Variants in OPCML observed in about 807,000 individuals in gnomAD.
OPCML encodes opioid binding protein/cell adhesion molecule like, also known as opioid-binding protein/cell adhesion molecule.
OPCML carries 13 observed loss-of-function variants against 37.8 expected under a neutral mutation model. The ratio of observed to expected loss-of-function variants is 0.34; its 90% CI spans 0.22 to 0.55. The LOEUF is 0.55. Among genes scored for constraint, OPCML ranks in the 20% least tolerant of loss-of-function variants. The pLI is 0.91. For missense variants in OPCML, 341 were observed against 435.6 expected, an observed-to-expected ratio of 0.78 and a Z score of 1.93; for synonymous variants, 176 against 168.8, an observed-to-expected ratio of 1.04 and a Z score of -0.33.
At chr11:133,392,943 C>A (rs4604897) in intron 1 of OPCML, among the ~76,000 whole-genome samples, 54,968 of 151,960 alleles carry the variant, frequency 0.36, 12,292 homozygotes, top group African/African-American at 0.63. Flanking sequence ...TGAGTCATCC[C>A]AATCTCATTG....
chr11:132,869,723 T>G (rs1020002919), intron 2 of OPCML, among the ~76,000 whole-genome samples: 3 of 152,180 alleles, frequency 2.0e-5, no homozygotes, highest in African/African-American at 7.2e-5. Context: ...CAAAACTGTT[T>G]TAGCTAATTG....
intron 2 of OPCML, among the ~76,000 whole-genome samples, chr11:132,856,192 T>A (rs1942047346): frequency 6.6e-6 from 1 of 152,204 alleles, no homozygotes; most frequent in African/African-American, 2.4e-5. Flanking sequence ...TAGTTCTCAG[T>A]TTCAGCAAGT....
chr11:133,145,004 A>G (rs1280162302), intron 1 of OPCML, among the ~76,000 whole-genome samples: 2 of 152,218 alleles, frequency 1.3e-5, no homozygotes. Flanking sequence ...GCTCTTAGCA[A>G]CAACAGTGGC....
At chr11:133,474,170 A>G (rs1947182402) in intron 1 of OPCML, among the ~76,000 whole-genome samples, 1 of 152,204 alleles carries the variant, frequency 6.6e-6, no homozygotes, top group Non-Finnish European at 1.5e-5. Context: ...GTAAACATGA[A>G]TTTAATATTC....
intron 1 of OPCML, among the ~76,000 whole-genome samples, chr11:133,124,709 C>A (rs481086): frequency 0.45 from 68,879 of 151,880 alleles, 17,131 homozygotes; most frequent in East Asian, 0.64. Context: ...AAGGCTCATG[C>A]ACCCTTGCAG....
intron 2 of OPCML, among the ~76,000 whole-genome samples, chr11:132,696,971 G>T (rs972504994): frequency 1.3e-5 from 2 of 152,050 alleles, no homozygotes; most frequent in African/African-American, 4.8e-5. Flanking sequence ...AAGCAACATC[G>T]TGAACACTTC....
chr11:132,995,383 A>C (rs1165708026), intron 1 of OPCML, among the ~76,000 whole-genome samples: 2 of 152,152 alleles, frequency 1.3e-5, no homozygotes. Flanking sequence ...ATAATAATAA[A>C]AGAGGATGTG....
chr11:132,883,484 C>T (rs2725432), intron 2 of OPCML, among the ~76,000 whole-genome samples: 1 of 151,902 alleles, frequency 6.6e-6, no homozygotes, highest in Non-Finnish European at 1.5e-5. Context: ...AAGAGAGGAA[C>T]AGCTCAGTGA....
At chr11:133,090,877 T>C (rs1284180140) in intron 1 of OPCML, among the ~76,000 whole-genome samples, 1 of 152,180 alleles carries the variant, frequency 6.6e-6, no homozygotes. Flanking sequence ...TACCATTTGA[T>C]AAGGATCAGT....
chr11:133,134,164 T>C (rs1949646757), intron 1 of OPCML, among the ~76,000 whole-genome samples: 1 of 152,034 alleles, frequency 6.6e-6, no homozygotes, highest in South Asian at 2.1e-4. Context: ...TAAAAAGATA[T>C]CCCATTATCA....
chr11:132,724,523 G>A (rs538009838), intron 2 of OPCML, among the ~76,000 whole-genome samples: 1 of 152,172 alleles, frequency 6.6e-6, no homozygotes, highest in Non-Finnish European at 1.5e-5. Context: ...TGGGGACACA[G>A]CCAAACCATA....
At chr11:133,430,098 T>G (rs962881361) in intron 1 of OPCML, among the ~76,000 whole-genome samples, 7 of 152,244 alleles carry the variant, frequency 4.6e-5, no homozygotes, top group African/African-American at 1.7e-4. Flanking sequence ...GTGATGAAAC[T>G]GTTGCTGCAA....
intron 1 of OPCML, among the ~76,000 whole-genome samples, chr11:132,955,084 G>A (rs550649682): frequency 1.6e-3 from 251 of 152,300 alleles, no homozygotes; most frequent in South Asian, 0.011. Flanking sequence ...GGAATGAGTG[G>A]AACCCCAGGT....
At chr11:132,538,602 G>A (rs532408946) in intron 3 of OPCML, among the ~76,000 whole-genome samples, 5 of 152,214 alleles carry the variant, frequency 3.3e-5, no homozygotes, top group South Asian at 4.1e-4. Context: ...CATCAATCAC[G>A]GCCAATCATC....
intron 1 of OPCML, among the ~76,000 whole-genome samples, chr11:133,477,149 C>A (rs1228390914): frequency 1.3e-5 from 2 of 151,964 alleles, no homozygotes; most frequent in Non-Finnish European, 2.9e-5. Flanking sequence ...GTTGTTTCTC[C>A]ATTACAGTTG....
Position 133,355,463 on chromosome 11 carries a change from A to T in OPCML, c.61+176801T>A, listed in dbSNP as rs560238665. On this transcript the variant is annotated intron_variant, in intron 1 of 7. Coordinates refer to ENST00000524381, the MANE Select transcript of OPCML (RefSeq NM_001012393.5). The stretch of plus-strand genomic sequence containing the variant: ...TCCATGAACTAAATCTGTGACCACA[A>T]ATGAGAGTTACAGAAAAAGAGATTT... Among the ~76,000 whole-genome samples the T allele has an allele frequency of 1.2e-4, 18 of 152,350 alleles. No homozygotes were observed. The South Asian group carries it at 3.7e-3, about 32-fold the overall frequency.
rs1426909216 is a variant in OPCML, at chr11:132,497,841, C to T, written c.505+31220G>A. Reference sequence around the variant, plus strand: ...AACTACCAAAGGTAGAGAAGAAAACCACAATGCTATATGAAAATGGGAGGC... The same window carrying T: ...AACTACCAAAGGTAGAGAAGAAAACTACAATGCTATATGAAAATGGGAGGC... On this transcript the variant is annotated intron_variant, in intron 4 of 7. Transcript: ENST00000524381. Among the ~76,000 whole-genome samples, 4 of 152,114 alleles carry T rather than the reference C, an allele frequency of 2.6e-5. No homozygotes were observed. The East Asian group carries it at 7.7e-4, about 29-fold the overall frequency.
chr11:132,961,530 G>A (rs948725355), intron 1 of OPCML, among the ~76,000 whole-genome samples: 5 of 152,156 alleles, frequency 3.3e-5, no homozygotes, highest in African/African-American at 7.2e-5. Context: ...AGTCAGTGCC[G>A]AGCACACTGA....
intron 4 of OPCML, among the ~76,000 whole-genome samples, chr11:132,486,682 T>G (rs908658349): frequency 2.0e-5 from 3 of 152,146 alleles, no homozygotes; most frequent in African/African-American, 7.2e-5. Flanking sequence ...CTTTATTCCT[T>G]TCTTTCTTTC....
Sources: allele counts gnomAD v4.1 joint callset (sites outside exome capture counted in the v4.1 genomes callset), GRCh38; gene constraint gnomAD v4.1.1; transcripts MANE v1.5; gene names NCBI Gene and HGNC (gene_info 2026-07-23, HGNC 2026-07-21).